The following ICA1L variants were observed in gnomAD, a reference collection of about 807,000 sequenced individuals.
ICA1L encodes the protein islet cell autoantigen 1-like protein.
ICA1L carries 50 observed loss-of-function variants against 61.3 expected under a neutral mutation model. That is an observed-to-expected ratio of 0.82 (90% confidence interval 0.65 to 1.03). The LOEUF (loss-of-function observed/expected upper bound fraction) is 1.03. Among genes scored for constraint, ICA1L ranks in the 50% least tolerant of loss-of-function variants. The pLI is 0.00. For synonymous variants in ICA1L, 161 were observed against 191.3 expected, an observed-to-expected ratio of 0.84 and a Z score of 1.31; for missense variants, 508 against 556.7, an observed-to-expected ratio of 0.91 and a Z score of 0.88.
Position 202,777,488 on chromosome 2 carries a change from G to A in ICA1L, c.*2045C>T, listed in dbSNP as rs1327821106. Reference sequence around the variant, plus strand: ...AGAACAGTGACAGTATTACATTCTGGGAAATTTCACTGAGTATAAAGGAAG... The same window carrying A: ...AGAACAGTGACAGTATTACATTCTGAGAAATTTCACTGAGTATAAAGGAAG... On this transcript the variant is annotated 3_prime_UTR_variant, in exon 13 of 13. Coordinates refer to ENST00000358299, the MANE Select transcript of ICA1L (RefSeq NM_001288622.3). 6.6e-6 allele frequency: 1 copy of A among 152,092 alleles called. No individual in the cohort carries two copies. The highest frequency in any genetic ancestry group is 1.5e-5 in the Non-Finnish European group (1 of 68,026). 9.4% of individuals were successfully genotyped at this position (152,092 alleles called of 1,614,324 possible). A position where few individuals can be genotyped will look rare whatever the true frequency, so the allele number is the denominator to read the frequency against.
intron 1 of ICA1L, among the ~76,000 whole-genome samples, chr2:202,867,687 C>T (rs1687556667): frequency 6.6e-6 from 1 of 152,164 alleles, no homozygotes; most frequent in Admixed American, 6.5e-5. Context: ...TATCAGCACA[C>T]CCCCATTTGA....
chr2:202,786,918 T>C (rs1257720602), intron 11 of ICA1L: 20 of 345,080 alleles, frequency 5.8e-5, no homozygotes, highest in Non-Finnish European at 5.1e-5. Flanking sequence ...TGAAAAACCA[T>C]TTATGCTATG....
In ICA1L at chr2:202,776,801, G is replaced by C. The variant is rs1226052133; in HGVS notation, c.*2732C>G. 6.6e-6 allele frequency: 1 copy of C among 152,140 alleles called. No homozygotes were observed. Among genetic ancestry groups the C allele is most frequent in the Non-Finnish European group, 1.5e-5 (1 of 68,026 alleles). 9.4% of individuals were successfully genotyped at this position (152,140 alleles called of 1,614,324 possible). ...GAAAGAAGAAATGTTATAGAAACTA[G>C]TAACAGAATAATAAAAGTCCCTTGT... On this transcript the variant is annotated 3_prime_UTR_variant, in exon 13 of 13. Coordinates refer to ENST00000358299, the MANE Select transcript of ICA1L (RefSeq NM_001288622.3).
intron 1 of ICA1L, among the ~76,000 whole-genome samples, chr2:202,867,665 A>C (rs1687556036): frequency 6.6e-6 from 1 of 152,186 alleles, no homozygotes; most frequent in Admixed American, 6.5e-5. Context: ...AAAAATTAAA[A>C]CCACAAAGAG....
intron 9 of ICA1L, among the ~76,000 whole-genome samples, 198 bp from the exon 10 acceptor site, chr2:202,797,162 G>GTA (rs1692957739): frequency 6.8e-6 from 1 of 146,276 alleles, no homozygotes. Context: ...GTGTGTGTGT[G>GTA]TATATGTATA....
chr2:202,805,624 T>C lies in ICA1L; in HGVS notation c.910+6122A>G, dbSNP rs185068717. Among the ~76,000 whole-genome samples the C allele has an allele frequency of 2.0e-5, 3 of 151,788 alleles. 1 individual carries two copies. Among genetic ancestry groups the C allele is most frequent in the Admixed American group, 6.6e-5 (1 of 15,240 alleles). On this transcript the variant is annotated intron_variant, in intron 9 of 12. Transcript: ENST00000358299. ...AGTAAAGAGAAGAAAATAATAAATA[T>C]AGGAACTAAAATTTATAAAACCAAA...
intron 1 of ICA1L, among the ~76,000 whole-genome samples, chr2:202,840,019 G>A (rs1157786883): frequency 1.5e-5 from 2 of 130,830 alleles, no homozygotes; most frequent in Admixed American, 1.6e-4. Context: ...TTTTTATATT[G>A]TATATCCCTT....
Position 202,828,852 on chromosome 2 carries a change from A to T in ICA1L, c.158T>A (p.Leu53His). ...VASDAELDAK[L>H]EVFHSVQETC... ...ACATAGAATCCTCAAATTTACCTCA[A>T]GTTTAGCATCCAGTTCAGCATCAGA... is the stretch of plus-strand genomic sequence containing the variant. Residue 53 changes from leucine to histidine, a missense_variant, in exon 2 of 13, where the codon CTT becomes CAT. Leu to His is a moderately conservative substitution (Grantham distance 99, BLOSUM62 -3). Coordinates refer to ENST00000358299, the MANE Select transcript of ICA1L (RefSeq NM_001288622.3). 1 of 1,613,814 alleles carries T rather than the reference A, an allele frequency of 6.2e-7. No individual in the cohort carries two copies. Among genetic ancestry groups the T allele is most frequent in the Non-Finnish European group, 8.5e-7 (1 of 1,179,802 alleles).
chr2:202,809,650 CAAAA>C (rs546883999), intron 9 of ICA1L, among the ~76,000 whole-genome samples: 2 of 139,884 alleles, frequency 1.4e-5, no homozygotes, highest in African/African-American at 5.3e-5. Context: ...AACTCCATCT[CAAAA>C]AAAAAAAAAT....
intron 8 of ICA1L, among the ~76,000 whole-genome samples, chr2:202,812,526 G>A (rs564496154): frequency 8.6e-5 from 13 of 152,018 alleles, no homozygotes; most frequent in African/African-American, 2.7e-4. Flanking sequence ...GCAGTGAGCC[G>A]AGATCATGCC....
chr2:202,869,857 T>C (rs1393961157), intron 1 of ICA1L, among the ~76,000 whole-genome samples: 1 of 152,082 alleles, frequency 6.6e-6, no homozygotes, highest in African/African-American at 2.4e-5. Flanking sequence ...TGGATCCAAG[T>C]ACAAGTTTGA....
In ICA1L at chr2:202,779,476, G is replaced by A; in HGVS notation, c.*57C>T. On this transcript the variant is annotated 3_prime_UTR_variant, in exon 13 of 13. Coordinates refer to ENST00000358299, the MANE Select transcript of ICA1L (RefSeq NM_001288622.3). ...TTACAATCTAAATCCTTTCCACGAA[G>A]GAAATACGTTGCAAAATTGATGTCT... 9.6e-7 allele frequency: 1 copy of A among 1,046,118 alleles called. No homozygotes were observed. The highest frequency in any genetic ancestry group is 2.0e-5 in the Admixed American group (1 of 49,426). The allele number at this position is 1,046,118 out of a possible 1,614,324, so 64.8% of individuals were successfully genotyped here.
At chr2:202,780,971 CAGA>C (rs1692384726) in intron 12 of ICA1L, among the ~76,000 whole-genome samples, 1 of 152,054 alleles carries the variant, frequency 6.6e-6, no homozygotes, top group Non-Finnish European at 1.5e-5. Flanking sequence ...GTCATTATGC[CAGA>C]AGAATAGGTG....
intron 1 of ICA1L, among the ~76,000 whole-genome samples, chr2:202,839,024 C>T (rs1694236253): frequency 6.6e-6 from 1 of 152,200 alleles, no homozygotes; most frequent in Non-Finnish European, 1.5e-5. Context: ...AAACACCTCT[C>T]ACCAGGCCCA....
At position 202,811,734 on chromosome 2, in the gene ICA1L, T is replaced by G; in HGVS notation, c.910+12A>C. The G allele has an allele frequency of 1.9e-6, 3 of 1,574,140 alleles. No homozygotes were observed. The highest frequency in any genetic ancestry group is 2.6e-6 in the Non-Finnish European group (3 of 1,149,066). ...ATGTGACCATTTCAAAGTAATAAATTTACCATCTTACCTTGTTCACTCTCA... is the reference window on the plus strand; with the variant it reads ...ATGTGACCATTTCAAAGTAATAAATGTACCATCTTACCTTGTTCACTCTCA... On this transcript the variant is annotated intron_variant, in intron 9 of 12. Transcript: ENST00000358299.
chr2:202,862,272 CAA>C (rs778355110), intron 1 of ICA1L, among the ~76,000 whole-genome samples: 810 of 62,896 alleles, frequency 0.013, 87 homozygotes, highest in African/African-American at 0.064. Context: ...CTCATTTCTA[CAA>C]AAAAAAAAAA....
At chr2:202,821,314 T>C in intron 4 of ICA1L, 44 bp downstream of exon 4, 1 of 1,591,418 alleles carries the variant, frequency 6.3e-7, no homozygotes, top group Non-Finnish European at 8.5e-7. Context: ...GTCAAAACTG[T>C]CAGATTGACT....
At chr2:202,838,634 T>A (rs1477594098) in intron 1 of ICA1L, among the ~76,000 whole-genome samples, 1 of 152,240 alleles carries the variant, frequency 6.6e-6, no homozygotes, top group Non-Finnish European at 1.5e-5. Context: ...AATTATTATA[T>A]CTTCTTGATG....
intron 12 of ICA1L, among the ~76,000 whole-genome samples, chr2:202,779,972 A>G (rs1055888615): frequency 5.3e-5 from 8 of 152,014 alleles, no homozygotes; most frequent in African/African-American, 1.9e-4. Context: ...GCAAATGCAT[A>G]TAACTTGTGC....
Sources: gnomAD v4.1 joint callset for allele counts (sites outside exome capture counted in the v4.1 genomes callset) on GRCh38, gnomAD v4.1.1 for gene constraint, MANE v1.5 for transcripts, NCBI Gene and HGNC (gene_info 2026-07-23, HGNC 2026-07-21) for gene names.